NTN4: variants seen among roughly 807,000 people sequenced by gnomAD.
NTN4 encodes the protein netrin 4, also known as netrin-4.
A neutral mutation model predicts 73.6 loss-of-function variants in NTN4; 32 were observed. The observed-to-expected ratio is 0.44, with a 90% confidence interval of 0.33 to 0.58. NTN4 has a LOEUF of 0.58. NTN4 is among the 20% of genes least tolerant of loss of function. The pLI is 0.04. For synonymous variants in NTN4, 258 were observed against 287.5 expected, an observed-to-expected ratio of 0.90 and a Z score of 1.04; for missense variants, 654 against 798.3, an observed-to-expected ratio of 0.82 and a Z score of 2.18.
intron 5 of NTN4, among the ~76,000 whole-genome samples, chr12:95,700,080 A>ATTTTTTGTTTTTTTTTTTTT (rs2078471905): frequency 2.4e-5 from 1 of 41,790 alleles, no homozygotes; most frequent in African/African-American, 9.6e-5. Context: ...TAAAGTGAGG[A>ATTTTTTGTTTTTTTTTTTTT]TTTTTTTTTT....
At chr12:95,748,285 C>A (rs2078877375) in intron 2 of NTN4, among the ~76,000 whole-genome samples, 1 of 149,252 alleles carries the variant, frequency 6.7e-6, no homozygotes, top group Non-Finnish European at 1.5e-5. Context: ...TATTAATCAG[C>A]TTATTATTTA....
chr12:95,660,902 AAAC>A (rs1231213435), intron 9 of NTN4, among the ~76,000 whole-genome samples: 1 of 152,198 alleles, frequency 6.6e-6, no homozygotes, highest in Non-Finnish European at 1.5e-5. Context: ...GCCTCTTGGA[AAAC>A]GGCTTATTCC....
At position 95,781,342 on chromosome 12, in the gene NTN4, T is replaced by A. The variant is rs2079131836; in HGVS notation, c.585+5597A>T. ...AACCATACCATTACCATAAAGCAAA[T>A]GTGACCCTTAATTATAGGTTTTGTT... On this transcript the variant is annotated intron_variant, in intron 2 of 9. Transcript: ENST00000343702. The surrounding 1 kb of genome is among the most constrained non-coding windows in gnomAD (Gnocchi z 4.1). Among the ~76,000 whole-genome samples the A allele has an allele frequency of 6.6e-6, 1 of 152,048 alleles. No homozygotes were observed. The highest frequency in any genetic ancestry group is 2.4e-5 in the African/African-American group (1 of 41,400).
chr12:95,750,157 G>A (rs1013050324), intron 2 of NTN4, among the ~76,000 whole-genome samples: 15 of 144,996 alleles, frequency 1.0e-4, no homozygotes, highest in African/African-American at 2.9e-4. Context: ...CCTTATTTCT[G>A]TGCCCCGACC....
intron 2 of NTN4, 23 bp downstream of exon 2, chr12:95,786,916 T>C: frequency 6.2e-7 from 1 of 1,600,880 alleles, no homozygotes; most frequent in South Asian, 1.1e-5. Flanking sequence ...ACTTACAGTG[T>C]AGAGTTAAAC....
chr12:95,724,381 T>A (rs892011167), intron 3 of NTN4, among the ~76,000 whole-genome samples: 2 of 152,244 alleles, frequency 1.3e-5, no homozygotes, highest in African/African-American at 4.8e-5. Flanking sequence ...TTCTGACTAC[T>A]GGCCTTTTAA....
chr12:95,696,873 T>G (rs553687057), intron 5 of NTN4, among the ~76,000 whole-genome samples: 1 of 152,178 alleles, frequency 6.6e-6, no homozygotes, highest in Non-Finnish European at 1.5e-5. Context: ...ATTTATTTTT[T>G]GTAAGAAAAG....
chr12:95,724,204 TA>T (rs1264926611), intron 3 of NTN4, among the ~76,000 whole-genome samples: 3 of 152,210 alleles, frequency 2.0e-5, no homozygotes, highest in African/African-American at 4.8e-5. Context: ...ATTTCTGCCA[TA>T]AAAATGCAAA....
At chr12:95,683,774 G>T (rs2078338846) in intron 5 of NTN4, 63 bp from the exon 6 acceptor site, 4 of 1,350,816 alleles carry the variant, frequency 3.0e-6, no homozygotes, top group Non-Finnish European at 3.1e-6. Flanking sequence ...TGAACATTAG[G>T]CTTGACCATC....
rs562754518 is a variant in NTN4, at chr12:95,731,418, T to C, written c.864+6448A>G. The stretch of plus-strand genomic sequence containing the variant: ...CCCCATCTCTACTAAAAATAAAAAT[T>C]AGCCGGGTGTGGTAGTGGGCAACTG... On this transcript the variant is annotated intron_variant, in intron 3 of 9. Coordinates refer to ENST00000343702, the MANE Select transcript of NTN4 (RefSeq NM_021229.4). Among the ~76,000 whole-genome samples, 11 of 152,122 alleles carry C rather than the reference T, an allele frequency of 7.2e-5. No individual in the cohort carries two copies. The South Asian group carries it at 2.3e-3, about 32-fold the overall frequency.
chr12:95,789,266 G>A lies in NTN4; in HGVS notation c.55+989C>T, dbSNP rs1210278815. On this transcript the variant is annotated intron_variant, in intron 1 of 9. Transcript: ENST00000343702. This position sits in a 1 kb window ranked among gnomAD's most constrained non-coding sequence, Gnocchi z 4.0. The stretch of plus-strand genomic sequence containing the variant: ...TGCCAGCGGCCCTCAGGGAAGAGTG[G>A]AAGCCCAAGGGAGGAGATGCGTGCT... Among the ~76,000 whole-genome samples the A allele has an allele frequency of 1.3e-5, 2 of 152,174 alleles. No individual in the cohort carries two copies. The highest frequency in any genetic ancestry group is 1.5e-5 in the Non-Finnish European group (1 of 68,022).
chr12:95,732,433 C>G, intron 3 of NTN4, among the ~76,000 whole-genome samples: 1 of 111,192 alleles, frequency 9.0e-6, no homozygotes, highest in South Asian at 3.0e-4. Context: ...ACAAGAGTTT[C>G]GCTCTTGTTA....
chr12:95,688,304 C>A (rs1040828288), intron 5 of NTN4, among the ~76,000 whole-genome samples: 4 of 151,916 alleles, frequency 2.6e-5, no homozygotes, highest in Non-Finnish European at 4.4e-5. Flanking sequence ...GGTTTGGAGA[C>A]CATCTGGAAG....
At chr12:95,753,153 TC>T (rs1432398941) in intron 2 of NTN4, among the ~76,000 whole-genome samples, 1 of 152,148 alleles carries the variant, frequency 6.6e-6, no homozygotes, top group East Asian at 1.9e-4. Flanking sequence ...TGACGGCAGT[TC>T]CACCAGGCCT....
chr12:95,774,021 G>T (rs2079074759), intron 2 of NTN4, among the ~76,000 whole-genome samples: 2 of 152,106 alleles, frequency 1.3e-5, no homozygotes, highest in Admixed American at 1.3e-4. Flanking sequence ...AGTGCAAAGA[G>T]CCTTCACTTG....
At chr12:95,730,105 A>T (rs1469419512) in intron 3 of NTN4, among the ~76,000 whole-genome samples, 1 of 152,220 alleles carries the variant, frequency 6.6e-6, no homozygotes, top group East Asian at 1.9e-4. Context: ...AAAAAAGTCA[A>T]ATATGAGTTA....
chr12:95,667,703 C>CA (rs1039357230), intron 8 of NTN4, among the ~76,000 whole-genome samples: 1 of 151,796 alleles, frequency 6.6e-6, no homozygotes, highest in East Asian at 1.9e-4. Flanking sequence ...CTAAAAAATA[C>CA]AAAAAATTTA....
chr12:95,786,787 G>A, intron 2 of NTN4, 152 bp downstream of exon 2: 1 of 671,190 alleles, frequency 1.5e-6, no homozygotes, highest in South Asian at 2.0e-5. Flanking sequence ...TCATATGTAA[G>A]GGTAAGAAAT....
At position 95,746,494 on chromosome 12, in the gene NTN4, C is replaced by T. The variant is rs181652035; in HGVS notation, c.586-8350G>A. Among the ~76,000 whole-genome samples the T allele has an allele frequency of 2.4e-3, 368 of 152,126 alleles. 1 individual carries two copies. Among genetic ancestry groups the T allele is most frequent in the South Asian group, 0.014 (68 of 4,794 alleles). On this transcript the variant is annotated intron_variant, in intron 2 of 9. Coordinates refer to ENST00000343702, the MANE Select transcript of NTN4 (RefSeq NM_021229.4). The stretch of plus-strand genomic sequence containing the variant: ...GTCTCTTGGCCGCCGGCTAAATAAA[C>T]GGACTCTTAATTCATCTCAAAGTGT...
Sources: gnomAD v4.1 joint callset for allele counts (sites outside exome capture counted in the v4.1 genomes callset) on GRCh38, gnomAD v4.1.1 for gene constraint, Gnocchi (gnomAD v3.1) non-coding constraint, MANE v1.5 for transcripts, NCBI Gene and HGNC (gene_info 2026-07-23, HGNC 2026-07-21) for gene names.